Variants in DOCK10 observed in about 807,000 individuals in gnomAD.
DOCK10 encodes the protein dedicator of cytokinesis 10.
A neutral mutation model predicts 280.1 loss-of-function variants in DOCK10; 145 were observed. The observed-to-expected ratio is 0.52, with a 90% confidence interval of 0.45 to 0.59. The LOEUF is 0.59. Among genes scored for constraint, DOCK10 ranks in the 20% least tolerant of loss-of-function variants. The pLI is 0.00. For synonymous variants in DOCK10, 915 were observed against 942.2 expected, an observed-to-expected ratio of 0.97 and a Z score of 0.53; for missense variants, 2,368 against 2,651.7, an observed-to-expected ratio of 0.89 and a Z score of 2.35.
At chr2:225,035,202 A>C (rs1367745734) in intron 1 of DOCK10, among the ~76,000 whole-genome samples, 2 of 152,098 alleles carry the variant, frequency 1.3e-5, no homozygotes, top group Non-Finnish European at 1.5e-5. Context: ...CCATGTGGCC[A>C]AACTGTTACA....
intron 4 of DOCK10, among the ~76,000 whole-genome samples, chr2:224,892,759 A>G (rs1239520805): frequency 6.6e-6 from 1 of 152,236 alleles, no homozygotes; most frequent in Admixed American, 6.5e-5. Flanking sequence ...GGGAAGGCAG[A>G]CAGTGCTTGG....
intron 55 of DOCK10, among the ~76,000 whole-genome samples, chr2:224,766,661 A>T (rs1690093537): frequency 6.6e-6 from 1 of 152,204 alleles, no homozygotes; most frequent in Non-Finnish European, 1.5e-5. Flanking sequence ...TGCATTTTGT[A>T]TTGGATACCC....
At chr2:224,794,843 A>G (rs1217242057) in intron 45 of DOCK10, 36 bp downstream of exon 45, 1 of 1,603,392 alleles carries the variant, frequency 6.2e-7, no homozygotes, top group Admixed American at 1.7e-5. Flanking sequence ...AAAGAGGACA[A>G]TACTGATGGT....
chr2:224,867,385 G>A (rs1480306133), intron 11 of DOCK10, among the ~76,000 whole-genome samples: 1 of 152,178 alleles, frequency 6.6e-6, no homozygotes, highest in African/African-American at 2.4e-5. Flanking sequence ...CCCTGCACCT[G>A]TATCACAACA....
At chr2:224,976,991 C>T (rs1377471366) in intron 1 of DOCK10, among the ~76,000 whole-genome samples, 3 of 152,168 alleles carry the variant, frequency 2.0e-5, no homozygotes, top group African/African-American at 7.2e-5. Flanking sequence ...ACAGAGAGGA[C>T]TTGTCAGGGA....
chr2:224,832,663 G>A (rs527862697), intron 26 of DOCK10, among the ~76,000 whole-genome samples: 1 of 152,270 alleles, frequency 6.6e-6, no homozygotes, highest in Non-Finnish European at 1.5e-5. Flanking sequence ...TTAGGAATAT[G>A]AATGAATCCC....
At chr2:224,777,458 A>C (rs1180746651) in intron 51 of DOCK10, among the ~76,000 whole-genome samples, 5 of 152,202 alleles carry the variant, frequency 3.3e-5, no homozygotes, top group African/African-American at 4.8e-5. Flanking sequence ...AGACTGGCTA[A>C]GACCCTGGCC....
At chr2:225,024,507 T>C (rs536364935) in intron 1 of DOCK10, among the ~76,000 whole-genome samples, 26 of 152,322 alleles carry the variant, frequency 1.7e-4, no homozygotes, top group African/African-American at 6.0e-4. Flanking sequence ...GAAGGGTATA[T>C]GATATTCTTT....
intron 7 of DOCK10, among the ~76,000 whole-genome samples, chr2:224,885,026 GTC>G (rs1699196417): frequency 6.6e-6 from 1 of 152,110 alleles, no homozygotes; most frequent in South Asian, 2.1e-4. Context: ...TTGAGACAGA[GTC>G]TCTCTCTGTC....
intron 3 of DOCK10, among the ~76,000 whole-genome samples, chr2:224,910,914 GAC>G (rs1187528141): frequency 6.6e-6 from 1 of 151,474 alleles, no homozygotes; most frequent in East Asian, 1.9e-4. Flanking sequence ...CAGTACTAGT[GAC>G]ACAGAAAAAT....
Position 224,834,523 on chromosome 2 carries a change from G to A in DOCK10, c.2851-260C>T, listed in dbSNP as rs114984995. 3.4e-3 allele frequency among the ~76,000 whole-genome samples: 525 copies of A among 152,238 alleles called. 3 individuals carry two copies. The highest frequency in any genetic ancestry group is 0.012 in the African/African-American group (508 of 41,544). ...AAAGAGCCAGAGAGCCATTTAGCAC[G>A]TTCAAGGAAACATGGAGGGCTTTGA... On this transcript the variant is annotated intron_variant, in intron 25 of 55. Coordinates refer to ENST00000258390, the MANE Select transcript of DOCK10 (RefSeq NM_014689.3).
chr2:225,006,706 A>G (rs1304193014), intron 1 of DOCK10, among the ~76,000 whole-genome samples: 1 of 152,246 alleles, frequency 6.6e-6, no homozygotes, highest in Non-Finnish European at 1.5e-5. Context: ...GGAGAAATAA[A>G]AGGAGCAAGG....
chr2:224,896,159 TCTTA>T (rs1575015071), intron 4 of DOCK10, 132 bp downstream of exon 4: 3 of 495,280 alleles, frequency 6.1e-6, no homozygotes, highest in East Asian at 3.4e-5. Context: ...CTATCTTGAC[TCTTA>T]CTTATACATT....
At chr2:224,866,718 T>G (rs555580308) in intron 11 of DOCK10, among the ~76,000 whole-genome samples, 12 of 152,312 alleles carry the variant, frequency 7.9e-5, no homozygotes, top group African/African-American at 2.9e-4. Flanking sequence ...ATTAATTAAT[T>G]AATTTATTAA....
chr2:225,030,637 A>C (rs1690050074), intron 1 of DOCK10, among the ~76,000 whole-genome samples: 1 of 152,176 alleles, frequency 6.6e-6, no homozygotes, highest in Non-Finnish European at 1.5e-5. Flanking sequence ...TGCTTAGCTG[A>C]ATCTTATTTA....
chr2:224,842,184 T>C (rs1039444499), intron 22 of DOCK10, among the ~76,000 whole-genome samples: 42 of 152,208 alleles, frequency 2.8e-4, no homozygotes, highest in African/African-American at 9.9e-4. Flanking sequence ...GGTTGTGCTT[T>C]TTGTGTTTAG....
At chr2:224,774,169 C>A (rs1258566513) in intron 52 of DOCK10, among the ~76,000 whole-genome samples, 1 of 152,092 alleles carries the variant, frequency 6.6e-6, no homozygotes, top group Non-Finnish European at 1.5e-5. Context: ...CCAGGATGGC[C>A]CAGCTCTCAA....
At chr2:224,994,227 G>A (rs557808077) in intron 1 of DOCK10, among the ~76,000 whole-genome samples, 1 of 152,202 alleles carries the variant, frequency 6.6e-6, no homozygotes, top group South Asian at 2.1e-4. Flanking sequence ...GGTAGTATAT[G>A]TACTGGTTAA....
intron 47 of DOCK10, 99 bp downstream of exon 47, chr2:224,792,874 TG>T: frequency 1.1e-6 from 1 of 886,296 alleles, no homozygotes; most frequent in Non-Finnish European, 1.7e-6. Flanking sequence ...AGACAGTTTT[TG>T]CTTCTAAGAA....
Sources: gnomAD v4.1 joint callset for allele counts (sites outside exome capture counted in the v4.1 genomes callset) on GRCh38, gnomAD v4.1.1 for gene constraint, MANE v1.5 for transcripts, NCBI Gene and HGNC (gene_info 2026-07-23, HGNC 2026-07-21) for gene names.